WDPCP: variants seen among roughly 807,000 people sequenced by gnomAD.
The protein encoded by WDPCP is WD repeat containing planar cell polarity effector.
In WDPCP, 71 loss-of-function variants were observed where a neutral mutation model predicts 93.1. That is an observed-to-expected ratio of 0.76 (90% confidence interval 0.63 to 0.93). The LOEUF is 0.93. Ranked by LOEUF, WDPCP falls within the 40% of genes least tolerant of loss-of-function variation. WDPCP has a pLI of 0.00. For synonymous variants in WDPCP, 315 were observed against 315.0 expected, an observed-to-expected ratio of 1.00 and a Z score of 0.00; for missense variants, 844 against 887.4, an observed-to-expected ratio of 0.95 and a Z score of 0.62.
intron 1 of WDPCP, among the ~76,000 whole-genome samples, chr2:63,560,536 C>T (rs968089363): frequency 2.6e-5 from 4 of 152,136 alleles, no homozygotes; most frequent in Admixed American, 1.3e-4. Context: ...GGTACACATA[C>T]GTTTATTGTG....
At chr2:63,244,948 C>G (rs966835491) in intron 14 of WDPCP, among the ~76,000 whole-genome samples, 7 of 152,116 alleles carry the variant, frequency 4.6e-5, no homozygotes, top group Non-Finnish European at 1.0e-4. Context: ...ATAGGTTGAG[C>G]ATCCTCAATC....
intron 1 of WDPCP, among the ~76,000 whole-genome samples, chr2:63,497,086 T>G (rs1287361419): frequency 2.5e-5 from 3 of 118,486 alleles, no homozygotes; most frequent in African/African-American, 6.7e-5. Flanking sequence ...CACTCCAGCC[T>G]AGGTGACAGA....
chr2:63,275,340 A>G (rs2104890447), intron 13 of WDPCP, among the ~76,000 whole-genome samples: 1 of 152,314 alleles, frequency 6.6e-6, no homozygotes, highest in East Asian at 1.9e-4. Flanking sequence ...ATCATACTGA[A>G]TAGGCAAAAG....
At chr2:63,485,923 A>G (rs1700547470) in intron 4 of WDPCP, among the ~76,000 whole-genome samples, 1 of 151,802 alleles carries the variant, frequency 6.6e-6, no homozygotes, top group Admixed American at 6.6e-5. Context: ...TTTGATGTAG[A>G]ACGTATATGC....
At chr2:63,126,666 G>GTGTTTTTTTT (rs1553536654) in intron 17 of WDPCP, among the ~76,000 whole-genome samples, 13 of 98,116 alleles carry the variant, frequency 1.3e-4, no homozygotes, top group African/African-American at 4.8e-4. Flanking sequence ...CTTGTTTTGT[G>GTGTTTTTTTT]TTTTTTTTTT....
At chr2:63,139,160 T>C (rs541734563) in intron 17 of WDPCP, among the ~76,000 whole-genome samples, 3 of 90,870 alleles carry the variant, frequency 3.3e-5, no homozygotes, top group East Asian at 2.9e-4. Flanking sequence ...TGTGTATGTA[T>C]ATATGTGTAT....
At chr2:63,802,087 T>A (rs1670703991) in intron 2 of WDPCP, among the ~76,000 whole-genome samples, 1 of 151,896 alleles carries the variant, frequency 6.6e-6, no homozygotes, top group South Asian at 2.1e-4. Flanking sequence ...AACATGCACA[T>A]TGCATCTCCT....
intron 13 of WDPCP, among the ~76,000 whole-genome samples, chr2:63,266,312 G>T (rs918916601): frequency 6.6e-6 from 1 of 152,108 alleles, no homozygotes; most frequent in Admixed American, 6.5e-5. Flanking sequence ...GGTTGATTTT[G>T]CAGCTTATAA....
chr2:63,156,042 C>T (rs1479240432), intron 15 of WDPCP, among the ~76,000 whole-genome samples: 2 of 152,138 alleles, frequency 1.3e-5, no homozygotes, highest in African/African-American at 2.4e-5. Context: ...CTCTGTTGCT[C>T]AGACTGGAGA....
At chr2:63,366,570 T>TATCA (rs1690929432) in intron 12 of WDPCP, among the ~76,000 whole-genome samples, 1 of 152,170 alleles carries the variant, frequency 6.6e-6, no homozygotes. Flanking sequence ...TTACATGGAT[T>TATCA]ATCATATTAA....
At chr2:63,708,983 G>T (rs1225179910) in intron 2 of WDPCP, among the ~76,000 whole-genome samples, 1 of 149,522 alleles carries the variant, frequency 6.7e-6, no homozygotes, top group African/African-American at 2.5e-5. Context: ...TACTTTGGGA[G>T]GCCGAGGGGG....
upstream of WDPCP, chr2:63,589,443 G>A: frequency 6.7e-7 from 1 of 1,502,362 alleles, no homozygotes; most frequent in Non-Finnish European, 9.1e-7. Flanking sequence ...TTTGCCCACA[G>A]TGTTTATAAC....
intron 3 of WDPCP, among the ~76,000 whole-genome samples, chr2:63,645,011 C>T (rs537261220): frequency 3.3e-5 from 5 of 151,926 alleles, no homozygotes; most frequent in African/African-American, 1.2e-4. Flanking sequence ...CTTATTTCTG[C>T]CCTTATCTTT....
intron 1 of WDPCP, among the ~76,000 whole-genome samples, chr2:63,538,869 A>C (rs1704506288): frequency 6.6e-6 from 1 of 152,190 alleles, no homozygotes; most frequent in Admixed American, 6.5e-5. Context: ...CTATCAATAG[A>C]AATCAGTCAC....
At chr2:63,787,649 G>T (rs1177217026) in intron 2 of WDPCP, among the ~76,000 whole-genome samples, 2 of 152,178 alleles carry the variant, frequency 1.3e-5, no homozygotes, top group East Asian at 3.9e-4. Flanking sequence ...GTAAGTTTGG[G>T]CACTGACCAT....
chr2:63,746,509 C>T (rs1190476388), intron 2 of WDPCP, among the ~76,000 whole-genome samples: 3 of 152,184 alleles, frequency 2.0e-5, no homozygotes, highest in East Asian at 1.9e-4. Flanking sequence ...CTCTTATTAC[C>T]GAAAACAGGT....
At chr2:63,639,606 A>C (rs1408074882) in intron 3 of WDPCP, among the ~76,000 whole-genome samples, 3 of 152,188 alleles carry the variant, frequency 2.0e-5, no homozygotes, top group Non-Finnish European at 4.4e-5. Flanking sequence ...TCACTTCTTA[A>C]TACTGTTACA....
chr2:63,127,374 C>T (rs555499549), intron 17 of WDPCP, among the ~76,000 whole-genome samples: 5 of 151,842 alleles, frequency 3.3e-5, no homozygotes, highest in African/African-American at 9.6e-5. Context: ...CTGCCCGCCT[C>T]GGCCTCCCAA....
intron 17 of WDPCP, among the ~76,000 whole-genome samples, chr2:63,132,921 G>C (rs1395135650): frequency 1.3e-5 from 2 of 152,054 alleles, no homozygotes; most frequent in East Asian, 1.9e-4. Flanking sequence ...TATGCATTGT[G>C]ATTTTGGGAT....
Sources: gnomAD v4.1 joint callset for allele counts (sites outside exome capture counted in the v4.1 genomes callset) on GRCh38, gnomAD v4.1.1 for gene constraint, MANE v1.5 for transcripts, NCBI Gene and HGNC (gene_info 2026-07-23, HGNC 2026-07-21) for gene names.